The following F2RL3 variants were observed in gnomAD, a reference collection of about 807,000 sequenced individuals.
F2RL3 encodes F2R like thrombin or trypsin receptor 3, also known as proteinase-activated receptor 4.
F2RL3 carries 3 observed loss-of-function variants against 4.9 expected under a neutral mutation model. That is an observed-to-expected ratio of 0.61 (90% CI 0.28 to 1.58). The LOEUF (loss-of-function observed/expected upper bound fraction) is 1.58, where lower values mean the gene tolerates loss of function less well. Among genes scored for constraint, F2RL3 ranks in the 40% most tolerant of loss-of-function variants. F2RL3 has a pLI of 0.11. For synonymous variants in F2RL3, 284 were observed against 278.4 expected (o/e 1.02, Z -0.20); for missense variants, 564 against 550.4 (o/e 1.02, Z -0.25).
Position 16,889,092 on chromosome 19 carries a change from C to T in F2RL3, c.-98C>T, listed in dbSNP as rs865935891. On this transcript the variant is annotated 5_prime_UTR_variant, in exon 1 of 2. Coordinates refer to ENST00000248076, the MANE Select transcript of F2RL3 (RefSeq NM_003950.4). ...AGCCTTCCTGGTTTATCTCTACCGGCGCGATCTGCTCGTCCGCCTCGGCTC... is the reference window on the plus strand; with the variant it reads ...AGCCTTCCTGGTTTATCTCTACCGGTGCGATCTGCTCGTCCGCCTCGGCTC... 37 of 920,830 alleles carry T rather than the reference C, an allele frequency of 4.0e-5. No homozygotes were observed. The highest frequency in any genetic ancestry group is 3.4e-4 in the Middle Eastern group (1 of 2,920). The allele number at this position is 920,830 out of a possible 1,614,324, so 57.0% of individuals were successfully genotyped here. A position where few individuals can be genotyped will look rare whatever the true frequency, so the allele number is the denominator to read the frequency against.
rs746521270 is a variant in F2RL3, at chr19:16,889,757, G to A, written c.294G>A (p.Ala98=). Residue 98 remains alanine (A), a synonymous_variant, in exon 2 of 2, where the codon GCG becomes GCA. Coordinates refer to ENST00000248076, the MANE Select transcript of F2RL3 (RefSeq NM_003950.4). ...LVVGLPANGL[A]LWVLATQAPR... is the part of the protein sequence containing the mutation. ...TGGGGCTGCCGGCCAATGGGCTGGCGCTGTGGGTGCTGGCCACGCAGGCAC... is the reference window on the plus strand; with the variant it reads ...TGGGGCTGCCGGCCAATGGGCTGGCACTGTGGGTGCTGGCCACGCAGGCAC... 21 of 1,599,928 alleles carry A rather than the reference G, an allele frequency of 1.3e-5. No homozygotes were observed. Among genetic ancestry groups the A allele is most frequent in the Middle Eastern group, 1.6e-4 (1 of 6,068 alleles).
In F2RL3 at chr19:16,889,643, C is replaced by T; in HGVS notation, c.180C>T (p.Thr60=). The T allele has an allele frequency of 6.2e-7, 1 of 1,609,616 alleles. No individual in the cohort carries two copies. The highest frequency in any genetic ancestry group is 1.7e-5 in the Admixed American group (1 of 59,900). ...AAGTCTGTGCCAATGACAGTGACACCCTGGAGCTCCCGGACAGCTCACGGG... is the reference window on the plus strand; with the variant it reads ...AAGTCTGTGCCAATGACAGTGACACTCTGGAGCTCCCGGACAGCTCACGGG... ...PGQVCANDSD[T]LELPDSSRAL... is the part of the protein sequence containing the mutation. Residue 60 remains threonine, a synonymous_variant, in exon 2 of 2, where the codon ACC becomes ACT. Coordinates refer to ENST00000248076, the MANE Select transcript of F2RL3 (RefSeq NM_003950.4).
Position 16,890,746 on chromosome 19 carries a change from C to A in F2RL3, c.*125C>A. 1 of 755,808 alleles carries A rather than the reference C, an allele frequency of 1.3e-6. No individual in the cohort carries two copies. The allele number at this position is 755,808 out of a possible 1,614,324, so 46.8% of individuals were successfully genotyped here. A position where few individuals can be genotyped will look rare whatever the true frequency, so the allele number is the denominator to read the frequency against. Reference sequence around the variant, plus strand: ...TGTTACAACTGTCACTAGCGGAGGTCACTTTGGAGAAGGGTGGGCCTTACA... The same window carrying A: ...TGTTACAACTGTCACTAGCGGAGGTAACTTTGGAGAAGGGTGGGCCTTACA... On this transcript the variant is annotated 3_prime_UTR_variant, in exon 2 of 2. Transcript: ENST00000248076.
rs2051782072 is a variant in F2RL3, at chr19:16,890,819, T to C, written c.*198T>C. 1.7e-6 allele frequency: 1 copy of C among 594,036 alleles called. No individual in the cohort carries two copies. Among genetic ancestry groups the C allele is most frequent in the African/African-American group, 1.9e-5 (1 of 53,480 alleles). The allele number at this position is 594,036 out of a possible 1,614,324, so 36.8% of individuals were successfully genotyped here. A position where few individuals can be genotyped will look rare whatever the true frequency, so the allele number is the denominator to read the frequency against. On this transcript the variant is annotated 3_prime_UTR_variant, in exon 2 of 2. Coordinates refer to ENST00000248076, the MANE Select transcript of F2RL3 (RefSeq NM_003950.4). ...TAAGATAAGGAGAGGCCAGGCCTGG[T>C]GGCTCACGCCTGTAATCCCAGCACT...
rs1458108141 is a variant in F2RL3, at chr19:16,890,066, G to A, written c.603G>A (p.Trp201Ter). Residue 201 changes from tryptophan (W) to a stop codon, truncating the protein, a stop_gained, in exon 2 of 2, where the codon TGG (tryptophan) becomes TGA (stop). Transcript: ENST00000248076. LOFTEE classifies it low-confidence loss of function (END_TRUNC). ...CCCTTGGACTCTGCATGGCTGCTTG[G>A]CTCATGGCGGCCGCCCTGGCACTGC... is the stretch of plus-strand genomic sequence containing the variant. ...RLALGLCMAAWLMAAALALPL... is the reference protein window; with the variant it reads ...RLALGLCMAA 1 of 1,597,678 alleles carries A rather than the reference G, an allele frequency of 6.3e-7. No individual in the cohort carries two copies. The highest frequency in any genetic ancestry group is 2.2e-5 in the East Asian group (1 of 44,820).
At position 16,889,899 on chromosome 19, in the gene F2RL3, G is replaced by GAGGCCGC; in HGVS notation, c.437_443dup (p.Cys149GlyfsTer84). On this transcript the variant is annotated frameshift_variant, in exon 2 of 2. Transcript: ENST00000248076. LOFTEE classifies it low-confidence loss of function (END_TRUNC). Reference sequence around the variant, plus strand: ...GCGTGGCCAGCGCTGGCCCTTCGGGGAGGCCGCCTGCCGCCTGGCCACGGC... The same window carrying GAGGCCGC: ...GCGTGGCCAGCGCTGGCCCTTCGGGGAGGCCGCAGGCCGCCTGCCGCCTGGCCACGGC... The GAGGCCGC allele has an allele frequency of 6.3e-7, 1 of 1,582,284 alleles. No homozygotes were observed. Among genetic ancestry groups the GAGGCCGC allele is most frequent in the Admixed American group, 1.8e-5 (1 of 56,492 alleles).
chr19:16,890,753 G>T lies in F2RL3; in HGVS notation c.*132G>T. The T allele has an allele frequency of 1.4e-6, 1 of 725,036 alleles. No homozygotes were observed. The highest frequency in any genetic ancestry group is 2.2e-6 in the Non-Finnish European group (1 of 447,762). 44.9% of individuals were successfully genotyped at this position (725,036 alleles called of 1,614,324 possible). On this transcript the variant is annotated 3_prime_UTR_variant, in exon 2 of 2. Transcript: ENST00000248076. ...ACTGTCACTAGCGGAGGTCACTTTG[G>T]AGAAGGGTGGGCCTTACATCCAGTG...
rs2051789440 is a variant in F2RL3, at chr19:16,891,336, T to C, written c.*715T>C. ...CACTCAAGAGGCACAGGCGGGAGGATCACTTGAGCCTGGGAGGTTGTGGTT... is the reference window on the plus strand; with the variant it reads ...CACTCAAGAGGCACAGGCGGGAGGACCACTTGAGCCTGGGAGGTTGTGGTT... On this transcript the variant is annotated 3_prime_UTR_variant, in exon 2 of 2. Transcript: ENST00000248076. The C allele has an allele frequency of 6.6e-6, 1 of 152,162 alleles. No homozygotes were observed. The highest frequency in any genetic ancestry group is 2.4e-5 in the African/African-American group (1 of 41,398). 9.4% of individuals were successfully genotyped at this position (152,162 alleles called of 1,614,324 possible).
rs771173733 is a variant in F2RL3 at position 16,889,276 on chromosome 19, C to T, written c.87C>T (p.Ser29=). The T allele has an allele frequency of 2.7e-5, 43 of 1,595,050 alleles. No individual in the cohort carries two copies. Among genetic ancestry groups the T allele is most frequent in the Admixed American group, 8.8e-5 (5 of 56,750 alleles). Residue 29 remains serine (S), a synonymous_variant, in exon 1 of 2, where the codon AGC becomes AGT. Transcript: ENST00000248076. The part of the protein sequence containing the change: ...GTQTPSVYDE[S]GSTGGGDDST... The stretch of plus-strand genomic sequence containing the variant: ...AGACCCCCAGCGTCTACGACGAGAG[C>T]GGGAGCACCGGAGGTGGTGATGGTG...
At position 16,889,294 on chromosome 19, in the gene F2RL3, T is replaced by G. The variant is rs774010525; in HGVS notation, c.105T>G (p.Gly35=). ...VYDESGSTGG[G]DDSTPSILPA... ...ACGAGAGCGGGAGCACCGGAGGTGGTGATGGTGAGTGGTCCTGGCTTTGGG... is the reference window on the plus strand; with the variant it reads ...ACGAGAGCGGGAGCACCGGAGGTGGGGATGGTGAGTGGTCCTGGCTTTGGG... Residue 35 remains glycine, a synonymous_variant, in exon 1 of 2, where the codon GGT becomes GGG. Transcript: ENST00000248076. 4.3e-4 allele frequency: 679 copies of G among 1,589,280 alleles called. No homozygotes were observed. Among genetic ancestry groups the G allele is most frequent in the Non-Finnish European group, 5.5e-4 (642 of 1,169,064 alleles).
chr19:16,889,471 G>A lies in F2RL3; in HGVS notation c.110-102G>A, dbSNP rs2051757852. The A allele has an allele frequency of 4.0e-6, 5 of 1,256,568 alleles. No homozygotes were observed. The South Asian group carries it at 7.0e-5, about 18-fold the overall frequency. The allele number at this position is 1,256,568 out of a possible 1,614,324, so 77.8% of individuals were successfully genotyped here. On this transcript the variant is annotated intron_variant, in intron 1 of 1. Transcript: ENST00000248076. ...ATTCCCTTGAGTGTCATGTCCAGCT[G>A]TTTCCCACCAGGGCAGACCCCAGGC... is the stretch of plus-strand genomic sequence containing the variant.
chr19:16,890,711 G>C lies in F2RL3; in HGVS notation c.*90G>C, dbSNP rs917669976. ...GGACCTCAGAATGTGACCTTATTTG[G>C]AAATAGGGTTGTTACAACTGTCACT... On this transcript the variant is annotated 3_prime_UTR_variant, in exon 2 of 2. Coordinates refer to ENST00000248076, the MANE Select transcript of F2RL3 (RefSeq NM_003950.4). 3.0e-6 allele frequency: 3 copies of C among 1,001,176 alleles called. No individual in the cohort carries two copies. The highest frequency in any genetic ancestry group is 4.3e-6 in the Non-Finnish European group (3 of 694,954). 62.0% of individuals were successfully genotyped at this position (1,001,176 alleles called of 1,614,324 possible).
At chr19:16,889,485 C>A in intron 1 of F2RL3, 88 bp from the exon 2 acceptor site, 1 of 1,328,720 alleles carries the variant, frequency 7.5e-7, no homozygotes, top group Non-Finnish European at 1.0e-6. Flanking sequence ...CCCACCAGGG[C>A]AGACCCCAGG....
At position 16,889,311 on chromosome 19, in the gene F2RL3, G is replaced by A; in HGVS notation, c.109+13G>A. The A allele has an allele frequency of 1.3e-6, 2 of 1,574,920 alleles. No individual in the cohort carries two copies. The highest frequency in any genetic ancestry group is 1.7e-6 in the Non-Finnish European group (2 of 1,159,186). Reference sequence around the variant, plus strand: ...GGAGGTGGTGATGGTGAGTGGTCCTGGCTTTGGGGTGCAGAGATGGGGTTA... The same window carrying A: ...GGAGGTGGTGATGGTGAGTGGTCCTAGCTTTGGGGTGCAGAGATGGGGTTA... On this transcript the variant is annotated intron_variant, in intron 1 of 1. Transcript: ENST00000248076.
chr19:16,889,701 G>T lies in F2RL3; in HGVS notation c.238G>T (p.Val80Leu). The T allele has an allele frequency of 6.2e-7, 1 of 1,608,204 alleles. No individual in the cohort carries two copies. Residue 80 changes from valine to leucine, a missense_variant, in exon 2 of 2, where the codon GTG (valine) becomes TTG (leucine). Val to Leu is a conservative substitution (Grantham distance 32, BLOSUM62 1). Coordinates refer to ENST00000248076, the MANE Select transcript of F2RL3 (RefSeq NM_003950.4). ...LLLGWVPTRL[V>L]PALYGLVLVV... The stretch of plus-strand genomic sequence containing the variant: ...TCTGGGCTGGGTGCCCACCAGGCTG[G>T]TGCCCGCCCTCTATGGGCTGGTCCT...
chr19:16,889,353 G>A (rs546657354), intron 1 of F2RL3, 55 bp downstream of exon 1: 186 of 1,456,004 alleles, frequency 1.3e-4, no homozygotes, highest in Admixed American at 4.1e-5. Context: ...AGATGGAGCT[G>A]GGGGCCCGGA....
chr19:16,890,325 G>C lies in F2RL3; in HGVS notation c.862G>C (p.Val288Leu), dbSNP rs1315968427. ...YGHALRLTAV[V>L]LASAVAFFVP... ...CCACGCGCTGAGGCTGACCGCAGTG[G>C]TGCTGGCCTCCGCCGTGGCCTTCTT... is the stretch of plus-strand genomic sequence containing the variant. The change falls in exon 2 of 2, where the codon GTG becomes CTG. Residue 288 changes from valine (V) to leucine (L), a missense_variant. Transcript: ENST00000248076. 6.3e-7 allele frequency: 1 copy of C among 1,588,438 alleles called. No homozygotes were observed.
chr19:16,890,594 G>C lies in F2RL3; in HGVS notation c.1131G>C (p.Met377Ile). Residue 377 changes from methionine to isoleucine, a missense_variant, in exon 2 of 2, where the codon ATG (methionine) becomes ATC (isoleucine). By Grantham distance (10) the Met-to-Ile change is conservative. Coordinates refer to ENST00000248076, the MANE Select transcript of F2RL3 (RefSeq NM_003950.4). Reference protein sequence around the residue: ...KASAEGGSRGMGTHSSLLQ With the variant: ...KASAEGGSRGIGTHSSLLQ The stretch of plus-strand genomic sequence containing the variant: ...CTGCGGAAGGGGGCAGCCGGGGCAT[G>C]GGCACCCACTCCTCTTTGCTCCAGT... The C allele has an allele frequency of 6.3e-7, 1 of 1,581,490 alleles. No individual in the cohort carries two copies. Among genetic ancestry groups the C allele is most frequent in the Non-Finnish European group, 8.6e-7 (1 of 1,166,442 alleles).
chr19:16,890,347 T>A lies in F2RL3; in HGVS notation c.884T>A (p.Phe295Tyr), dbSNP rs2051774446. Residue 295 changes from phenylalanine to tyrosine, a missense_variant, in exon 2 of 2, where the codon TTC becomes TAC. Transcript: ENST00000248076. ...GTGGTGCTGGCCTCCGCCGTGGCCT[T>A]CTTCGTGCCCAGCAACCTGCTGCTG... ...TAVVLASAVA[F>Y]FVPSNLLLLL... The A allele has an allele frequency of 6.2e-7, 1 of 1,600,944 alleles. No homozygotes were observed. The highest frequency in any genetic ancestry group is 8.5e-7 in the Non-Finnish European group (1 of 1,177,060).
Sources: gnomAD v4.1 joint callset for allele counts on GRCh38, gnomAD v4.1.1 for gene constraint, MANE v1.5 for transcripts, NCBI Gene and HGNC (gene_info 2026-07-23, HGNC 2026-07-21) for gene names.